Variants in ACOT12 observed in about 807,000 individuals in gnomAD.
ACOT12 encodes the protein acetyl-coenzyme A thioesterase.
Under a neutral mutation model 67.7 loss-of-function variants are expected in ACOT12, and 51 were observed. The observed-to-expected ratio is 0.75, with a 90% CI of 0.60 to 0.95. ACOT12 has a LOEUF of 0.95. ACOT12 is among the 40% of genes least tolerant of loss of function. The pLI is 0.00. For synonymous variants in ACOT12, 251 were observed against 244.6 expected (o/e 1.03, Z -0.24); for missense variants, 734 against 708.1 (o/e 1.04, Z -0.41).
chr5:81,331,487 A>C (rs542410599), intron 13 of ACOT12, among the ~76,000 whole-genome samples: 17 of 152,350 alleles, frequency 1.1e-4, no homozygotes, highest in African/African-American at 4.1e-4. Context: ...CAGTGAGCTG[A>C]GATTGTGCCA....
intron 12 of ACOT12, among the ~76,000 whole-genome samples, chr5:81,335,059 G>A (rs551282782): frequency 2.6e-5 from 4 of 152,306 alleles, no homozygotes; most frequent in African/African-American, 9.6e-5. Context: ...GAAATATTGA[G>A]AGTATGCAGG....
chr5:81,392,305 G>A (rs1430975351), intron 1 of ACOT12, among the ~76,000 whole-genome samples: 1 of 152,122 alleles, frequency 6.6e-6, no homozygotes, highest in African/African-American at 2.4e-5. Flanking sequence ...GCTAAATAAT[G>A]TCCCCTGCTT....
intron 2 of ACOT12, among the ~76,000 whole-genome samples, chr5:81,379,552 A>G (rs991365701): frequency 6.6e-6 from 1 of 152,150 alleles, no homozygotes. Flanking sequence ...ACTGAGCAGT[A>G]ACCCCATGAG....
intron 5 of ACOT12, among the ~76,000 whole-genome samples, chr5:81,354,704 C>CT (rs68032491): frequency 0.37 from 54,999 of 148,376 alleles, 10,283 homozygotes; most frequent in Non-Finnish European, 0.39. Context: ...TCAATTATGT[C>CT]TTTTTTTTTT....
Position 81,347,945 on chromosome 5 carries a change from T to C in ACOT12, c.497-15A>G. On this transcript the variant is annotated splice_polypyrimidine_tract_variant and intron_variant, in intron 5 of 14. Transcript: ENST00000307624. Reference sequence around the variant, plus strand: ...AAAAATGAGATCTGAAAGGTGGATGTAAACATTAATGATGGTGGAGTGAAC... The same window carrying C: ...AAAAATGAGATCTGAAAGGTGGATGCAAACATTAATGATGGTGGAGTGAAC... 4.3e-6 allele frequency: 7 copies of C among 1,611,444 alleles called. No homozygotes were observed. Among genetic ancestry groups the C allele is most frequent in the Non-Finnish European group, 5.9e-6 (7 of 1,178,608 alleles).
chr5:81,374,358 G>A (rs908608645), intron 2 of ACOT12, among the ~76,000 whole-genome samples: 2 of 152,278 alleles, frequency 1.3e-5, no homozygotes, highest in Non-Finnish European at 2.9e-5. Context: ...AAGACCAAAG[G>A]TAGATAAACC....
In ACOT12 at chr5:81,335,917, AAAATT is replaced by A. The variant is rs753650852; in HGVS notation, c.1129-21_1129-17del. 1 of 1,591,424 alleles carries A rather than the reference AAAATT, an allele frequency of 6.3e-7. No homozygotes were observed. The highest frequency in any genetic ancestry group is 1.2e-5 in the South Asian group (1 of 86,148). ...ATATTTTTATCTAAAAGACAACAAAAAAATTAAATTACGAAAGAAAACTGATGCTT... is the reference window on the plus strand; with the variant it reads ...ATATTTTTATCTAAAAGACAACAAAAAAATTACGAAAGAAAACTGATGCTT... On this transcript the variant is annotated splice_polypyrimidine_tract_variant and intron_variant, in intron 11 of 14. Coordinates refer to ENST00000307624, the MANE Select transcript of ACOT12 (RefSeq NM_130767.3).
the ACOT12 span, among the ~76,000 whole-genome samples, chr5:81,316,266 A>G: frequency 0.26 from 38,899 of 152,100 alleles, 5,470 homozygotes; most frequent in Middle Eastern, 0.39. Context: ...AGGACATGTT[A>G]TCACCCCATC....
the ACOT12 span, among the ~76,000 whole-genome samples, chr5:81,321,668 A>C: frequency 6.6e-6 from 1 of 152,180 alleles, no homozygotes; most frequent in African/African-American, 2.4e-5. Flanking sequence ...AAAGTGGGCC[A>C]GGTGCAGTGG....
chr5:81,310,947 G>A, the ACOT12 span, among the ~76,000 whole-genome samples: 1 of 152,180 alleles, frequency 6.6e-6, no homozygotes, highest in East Asian at 1.9e-4. Context: ...TTGAACAAGT[G>A]CCTTCCATCA....
intron 4 of ACOT12, 80 bp downstream of exon 4, chr5:81,363,708 T>C: frequency 9.5e-7 from 1 of 1,050,462 alleles, no homozygotes; most frequent in South Asian, 1.9e-5. Flanking sequence ...GAAGTGTCAT[T>C]TTTTTCTATA....
chr5:81,330,621 G>T, intron 14 of ACOT12, 78 bp from the exon 15 acceptor site: 2 of 1,540,104 alleles, frequency 1.3e-6, no homozygotes, highest in Non-Finnish European at 1.8e-6. Context: ...GAGTCTTGCT[G>T]GTGTAGGGGA....
Position 81,345,103 on chromosome 5 carries a change from A to C in ACOT12, c.774-62T>G, listed in dbSNP as rs13171460. 1,666 of 678,666 alleles carry C rather than the reference A, an allele frequency of 2.5e-3. 5 individuals are homozygous for C. The highest frequency in any genetic ancestry group is 4.3e-3 in the African/African-American group (71 of 16,630). 42.0% of individuals were successfully genotyped at this position (678,666 alleles called of 1,614,324 possible). On this transcript the variant is annotated intron_variant, in intron 7 of 14. Coordinates refer to ENST00000307624, the MANE Select transcript of ACOT12 (RefSeq NM_130767.3). ...TCTTGACCCATCAGGCCCTCCTTGCACACCGCTGCCACCTCCTCGCCCACC... is the reference window on the plus strand; with the variant it reads ...TCTTGACCCATCAGGCCCTCCTTGCCCACCGCTGCCACCTCCTCGCCCACC...
the ACOT12 span, among the ~76,000 whole-genome samples, chr5:81,314,915 G>C: frequency 3.3e-5 from 5 of 152,090 alleles, no homozygotes; most frequent in Admixed American, 3.3e-4. Context: ...GGGCTCCAGC[G>C]ATCCTCCCGC....
rs145042247 is a variant in ACOT12 at position 81,354,943 on chromosome 5, C to T, written c.496+4960G>A. Among the ~76,000 whole-genome samples the T allele has an allele frequency of 3.7e-3, 568 of 152,278 alleles. 2 individuals are homozygous for T. The highest frequency in any genetic ancestry group is 0.013 in the African/African-American group (521 of 41,552). On this transcript the variant is annotated intron_variant, in intron 5 of 14. Coordinates refer to ENST00000307624, the MANE Select transcript of ACOT12 (RefSeq NM_130767.3). ...CTGATCTCAAGTGATCCGCCTGCCT[C>T]AGCCTCCCAAAGTGCTGAGATTATA... is the stretch of plus-strand genomic sequence containing the variant.
At chr5:81,339,757 T>C (rs970479931) in intron 11 of ACOT12, among the ~76,000 whole-genome samples, 6 of 152,238 alleles carry the variant, frequency 3.9e-5, no homozygotes, top group African/African-American at 1.4e-4. Context: ...GCTCCTTGTA[T>C]TACTACTACA....
chr5:81,336,421 G>A (rs1561322692), intron 11 of ACOT12, among the ~76,000 whole-genome samples: 1 of 152,104 alleles, frequency 6.6e-6, no homozygotes, highest in Non-Finnish European at 1.5e-5. Context: ...CAGGGCCCCT[G>A]GAGCACCATA....
the ACOT12 span, among the ~76,000 whole-genome samples, chr5:81,319,951 C>A: frequency 7.2e-6 from 1 of 139,654 alleles, no homozygotes; most frequent in African/African-American, 2.7e-5. Context: ...TGTAGGAGTA[C>A]AAGAGTAAAC....
chr5:81,319,963 CAGAGAG>C, the ACOT12 span, among the ~76,000 whole-genome samples: 18 of 151,712 alleles, frequency 1.2e-4, no homozygotes, highest in Admixed American at 1.1e-3. Context: ...AGAGTAAACA[CAGAGAG>C]AGAAATTAGG....
Sources: allele counts gnomAD v4.1 joint callset (sites outside exome capture counted in the v4.1 genomes callset), GRCh38; gene constraint gnomAD v4.1.1; transcripts MANE v1.5; gene names NCBI Gene and HGNC (gene_info 2026-07-23, HGNC 2026-07-21).